The following VPS13D variants were observed in gnomAD, a reference collection of about 807,000 sequenced individuals.
VPS13D encodes the protein intermembrane lipid transfer protein VPS13D.
Under a neutral mutation model 461.9 loss-of-function variants are expected in VPS13D, and 187 were observed. The ratio of observed to expected loss-of-function variants is 0.40; its 90% CI spans 0.36 to 0.46. The LOEUF (loss-of-function observed/expected upper bound fraction) is 0.46. Among genes scored for constraint, VPS13D ranks in the 20% least tolerant of loss-of-function variants. VPS13D has a pLI of 0.60. For synonymous variants in VPS13D, 1,951 were observed against 1,986.3 expected, an observed-to-expected ratio of 0.98 and a Z score of 0.47; for missense variants, 4,711 against 5,364.9, an observed-to-expected ratio of 0.88 and a Z score of 3.81.
intron 65 of VPS13D, among the ~76,000 whole-genome samples, chr1:12,432,526 A>G (rs6683371): frequency 0.083 from 12,633 of 152,034 alleles, 801 homozygotes; most frequent in African/African-American, 0.17. Context: ...GCTGTCCAGC[A>G]ACCCTGGAAG....
intron 67 of VPS13D, among the ~76,000 whole-genome samples, chr1:12,483,868 C>T (rs1257803301): frequency 1.3e-5 from 2 of 152,014 alleles, no homozygotes; most frequent in Non-Finnish European, 2.9e-5. Context: ...TGTGGTGGCG[C>T]ACCCCTGTAA....
At chr1:12,367,830 A>T (rs1211885139) in intron 52 of VPS13D, 1 of 152,130 alleles carries the variant, frequency 6.6e-6, no homozygotes, top group Non-Finnish European at 1.5e-5. Flanking sequence ...GATGGTCTCG[A>T]TCTCCTGACC....
At chr1:12,410,011 A>G (rs915907219) in intron 63 of VPS13D, 11 of 429,780 alleles carry the variant, frequency 2.6e-5, no homozygotes, top group Middle Eastern at 3.4e-4. Flanking sequence ...AGAGAATGCA[A>G]GTAAAGCTTT....
chr1:12,509,375 T>G lies in VPS13D; in HGVS notation c.*351T>G. 1 of 193,630 alleles carries G rather than the reference T, an allele frequency of 5.2e-6. No homozygotes were observed. The highest frequency in any genetic ancestry group is 1.1e-5 in the Non-Finnish European group (1 of 94,888). 12.0% of individuals were successfully genotyped at this position (193,630 alleles called of 1,614,324 possible). Reference sequence around the variant, plus strand: ...TATATAGGAACGTTTCTGAACAGGGTCTGTGCTATGTGTAAAGGTTTGTTA... The same window carrying G: ...TATATAGGAACGTTTCTGAACAGGGGCTGTGCTATGTGTAAAGGTTTGTTA... On this transcript the variant is annotated 3_prime_UTR_variant, in exon 70 of 70. Coordinates refer to ENST00000620676, the MANE Select transcript of VPS13D (RefSeq NM_015378.4).
intron 24 of VPS13D, among the ~76,000 whole-genome samples, chr1:12,298,868 AT>A (rs1642347197): frequency 6.6e-6 from 1 of 151,890 alleles, no homozygotes; most frequent in Admixed American, 6.6e-5. Context: ...CGTGGTGTAA[AT>A]TTCTCTCTAA....
At chr1:12,409,779 A>G in intron 63 of VPS13D, 1 of 435,236 alleles carries the variant, frequency 2.3e-6, no homozygotes, top group African/African-American at 2.0e-5. Flanking sequence ...GAACTTCAAG[A>G]AAAGACAGAT....
chr1:12,323,352 T>G (rs1643094171), intron 34 of VPS13D, among the ~76,000 whole-genome samples: 1 of 152,144 alleles, frequency 6.6e-6, no homozygotes, highest in Admixed American at 6.6e-5. Flanking sequence ...TTGGGATTAC[T>G]GGTGTGAGCC....
At chr1:12,396,279 G>A (rs1644497678) in intron 60 of VPS13D, among the ~76,000 whole-genome samples, 1 of 151,702 alleles carries the variant, frequency 6.6e-6, no homozygotes, top group Non-Finnish European at 1.5e-5. Flanking sequence ...TGGGGTAGGG[G>A]TGAAGAGAAT....
intron 29 of VPS13D, among the ~76,000 whole-genome samples, chr1:12,312,272 A>G (rs974770806): frequency 6.6e-6 from 1 of 152,208 alleles, no homozygotes; most frequent in African/African-American, 2.4e-5. Context: ...TTGATGTGCC[A>G]GCGGGAAAAA....
chr1:12,270,459 A>G (rs1641405822), intron 16 of VPS13D, among the ~76,000 whole-genome samples: 2 of 152,202 alleles, frequency 1.3e-5, no homozygotes, highest in Non-Finnish European at 2.9e-5. Context: ...TTAAAAAAGA[A>G]GAAGAAGAGA....
chr1:12,294,711 C>T (rs1642225950), intron 24 of VPS13D, among the ~76,000 whole-genome samples: 1 of 152,046 alleles, frequency 6.6e-6, no homozygotes, highest in Non-Finnish European at 1.5e-5. Flanking sequence ...ATTCGGGAGG[C>T]TAAGGCAGGA....
Position 12,507,089 on chromosome 1 carries a change from C to T in VPS13D, c.13031C>T (p.Pro4344Leu). 1.9e-6 allele frequency: 3 copies of T among 1,614,184 alleles called. No homozygotes were observed. The highest frequency in any genetic ancestry group is 2.5e-6 in the Non-Finnish European group (3 of 1,180,028). Residue 4344 changes from proline (P) to leucine (L), a missense_variant, in exon 69 of 70, where the codon CCC becomes CTC. Transcript: ENST00000620676. The surrounding 1 kb of genome is among the most constrained non-coding windows in gnomAD (Gnocchi z 5.3). ...ATCCCCGGCCCCTCCCACCAGAAGC[C>T]CATGGTGAGTGCCTGGCTGTTCTCA... ...VSIPGPSHQK[P>L]MVHVKSEVLA...
intron 19 of VPS13D, among the ~76,000 whole-genome samples, chr1:12,278,475 A>G (rs1641682530): frequency 6.6e-6 from 1 of 152,214 alleles, no homozygotes; most frequent in Non-Finnish European, 1.5e-5. Flanking sequence ...GGGTTTCACC[A>G]TGTTGGCCAG....
rs990445807 is a variant in VPS13D, at chr1:12,356,539, T to C, written c.9998+15T>C. ...CAGCCAAACCTGTGAGTACAGTTAT[T>C]TATGGGAAGGGGAAATAAGCTCCCA... On this transcript the variant is annotated intron_variant, in intron 49 of 69. Transcript: ENST00000620676. 5.3e-5 allele frequency: 86 copies of C among 1,608,684 alleles called. No individual in the cohort carries two copies. Among genetic ancestry groups the C allele is most frequent in the Non-Finnish European group, 7.2e-5 (85 of 1,177,930 alleles).
intron 35 of VPS13D, among the ~76,000 whole-genome samples, chr1:12,327,130 C>G (rs969223300): frequency 6.6e-6 from 1 of 152,092 alleles, no homozygotes; most frequent in Non-Finnish European, 1.5e-5. Context: ...TGGGTGCTGT[C>G]GGGCACAAAG....
chr1:12,483,997 A>C (rs1024745827), intron 67 of VPS13D, among the ~76,000 whole-genome samples: 2 of 143,652 alleles, frequency 1.4e-5, no homozygotes, highest in African/African-American at 2.6e-5. Context: ...ACTCCCTCTC[A>C]AAAAAAAAAA....
At chr1:12,497,914 A>G (rs545785077) in intron 68 of VPS13D, among the ~76,000 whole-genome samples, 1 of 152,394 alleles carries the variant, frequency 6.6e-6, no homozygotes, top group South Asian at 2.1e-4. Context: ...AGAGAAGATC[A>G]TGAATAAAAT....
chr1:12,371,070 CAT>C (rs1209169895), intron 54 of VPS13D, among the ~76,000 whole-genome samples: 1 of 151,898 alleles, frequency 6.6e-6, no homozygotes, highest in Admixed American at 6.6e-5. Flanking sequence ...TGAGGTGAAA[CAT>C]AACATAAAAG....
At chr1:12,288,564 C>T (rs907104594) in intron 22 of VPS13D, among the ~76,000 whole-genome samples, 3 of 151,558 alleles carry the variant, frequency 2.0e-5, no homozygotes, top group African/African-American at 7.3e-5. Context: ...CATCTCCTTC[C>T]CAAGAATCTG....
Sources: gnomAD v4.1 joint callset for allele counts (sites outside exome capture counted in the v4.1 genomes callset) on GRCh38, gnomAD v4.1.1 for gene constraint, Gnocchi (gnomAD v3.1) non-coding constraint, MANE v1.5 for transcripts, NCBI Gene and HGNC (gene_info 2026-07-23, HGNC 2026-07-21) for gene names.